ODAD1: variants seen among roughly 807,000 people sequenced by gnomAD.
ODAD1 encodes the protein outer dynein arm docking complex subunit 1.
A neutral mutation model predicts 67.2 loss-of-function variants in ODAD1; 49 were observed. That is an observed-to-expected ratio of 0.73 (90% CI 0.58 to 0.92). The LOEUF (loss-of-function observed/expected upper bound fraction) is 0.92. Ranked by LOEUF, ODAD1 falls within the 40% of genes least tolerant of loss-of-function variation. The pLI is 0.00. For synonymous variants in ODAD1, 345 were observed against 393.7 expected (o/e 0.88, Z 1.46); for missense variants, 897 against 953.7 (o/e 0.94, Z 0.78).
chr19:48,311,689 A>C, intron 6 of ODAD1, 23 bp from the exon 7 acceptor site: 1 of 1,410,202 alleles, frequency 7.1e-7, no homozygotes, highest in South Asian at 1.2e-5. Flanking sequence ...AGGTGGATGG[A>C]AGAGTGGGTC....
In ODAD1 at chr19:48,312,039, G is replaced by A. The variant is rs1484375564; in HGVS notation, c.438C>T (p.Val146=). Residue 146 remains valine (V), a synonymous_variant, in exon 6 of 16, where the codon GTC becomes GTT. Transcript: ENST00000674294. ...RSPGFILDQK[V]KIRRRIRILE... is the part of the protein sequence containing the mutation. ...GGATCCTGATCCTTCGCCTGATCTTGACCTTCTGATCCAGGATGAATCCCG... is the reference window on the plus strand; with the variant it reads ...GGATCCTGATCCTTCGCCTGATCTTAACCTTCTGATCCAGGATGAATCCCG... 1.2e-5 allele frequency: 19 copies of A among 1,550,910 alleles called. No homozygotes were observed. The highest frequency in any genetic ancestry group is 1.7e-5 in the Non-Finnish European group (19 of 1,146,258).
At chr19:48,319,412 C>G in intron 3 of ODAD1, 1 of 986,378 alleles carries the variant, frequency 1.0e-6, no homozygotes, top group South Asian at 4.7e-5. Context: ...TCCCAGACCC[C>G]AAGTGACCTG....
At chr19:48,302,277 G>A (rs964401984) in intron 12 of ODAD1, among the ~76,000 whole-genome samples, 1 of 152,000 alleles carries the variant, frequency 6.6e-6, no homozygotes, top group East Asian at 1.9e-4. Flanking sequence ...TGAAGGAATA[G>A]ATCCTGAATG....
chr19:48,302,722 C>G lies in ODAD1; in HGVS notation c.1212G>C (p.Val404=), dbSNP rs753418775. 1.2e-6 allele frequency: 2 copies of G among 1,612,316 alleles called. No homozygotes were observed. Among genetic ancestry groups the G allele is most frequent in the Non-Finnish European group, 1.7e-6 (2 of 1,179,974 alleles). The change falls in exon 12 of 16, where the codon GTG becomes GTC. Residue 404 remains valine (V), a synonymous_variant. Coordinates refer to ENST00000674294, the MANE Select transcript of ODAD1 (RefSeq NM_001364171.2). ...CCTTGAGCTTCTCCAGCTGTCCCCG[C>G]ACATCCTGGAAGCGGGCCTCAAGGC... is the stretch of plus-strand genomic sequence containing the variant. ...AERLEARFQD[V]RGQLEKLKAD...
chr19:48,302,115 A>AATGGATGGATGGATGGATGG (rs1968479670), intron 12 of ODAD1, among the ~76,000 whole-genome samples: 1 of 137,342 alleles, frequency 7.3e-6, no homozygotes, highest in African/African-American at 2.8e-5. Flanking sequence ...TGGATGGATG[A>AATGGATGGATGGATGGATGG]ATGGATGGAT....
Position 48,312,033 on chromosome 19 carries a change from G to A in ODAD1, c.444C>T (p.Ile148=). The change falls in exon 6 of 16, where the codon ATC becomes ATT. Residue 148 remains isoleucine (I), a synonymous_variant. Transcript: ENST00000674294. The part of the protein sequence containing the change: ...PGFILDQKVK[I]RRRIRILENQ... ...TTTCTAGGATCCTGATCCTTCGCCT[G>A]ATCTTGACCTTCTGATCCAGGATGA... 6.4e-7 allele frequency: 1 copy of A among 1,551,352 alleles called. No homozygotes were observed. Among genetic ancestry groups the A allele is most frequent in the Non-Finnish European group, 8.7e-7 (1 of 1,146,524 alleles).
intron 5 of ODAD1, among the ~76,000 whole-genome samples, chr19:48,315,309 C>T (rs1019491111): frequency 1.3e-5 from 2 of 152,158 alleles, no homozygotes; most frequent in African/African-American, 4.8e-5. Context: ...CTTTGGGAGG[C>T]TGAGGTGGGC....
Position 48,318,757 on chromosome 19 carries a change from C to T in ODAD1, c.126G>A (p.Arg42=). 1 of 1,551,440 alleles carries T rather than the reference C, an allele frequency of 6.4e-7. No homozygotes were observed. Among genetic ancestry groups the T allele is most frequent in the Non-Finnish European group, 8.7e-7 (1 of 1,146,856 alleles). ...QRQCKVMEGE[R]RAYSKEVHQR... Reference sequence around the variant, plus strand: ...GGTGGACTTCCTTGCTGTAGGCCCGCCTCTCCCCTTCCATCACTTTGCATT... The same window carrying T: ...GGTGGACTTCCTTGCTGTAGGCCCGTCTCTCCCCTTCCATCACTTTGCATT... The change falls in exon 4 of 16, where the codon AGG becomes AGA. Residue 42 remains arginine, a synonymous_variant. Coordinates refer to ENST00000674294, the MANE Select transcript of ODAD1 (RefSeq NM_001364171.2).
chr19:48,304,031 G>A lies in ODAD1; in HGVS notation c.775C>T (p.Gln259Ter), dbSNP rs1487650859. 6.2e-7 allele frequency: 1 copy of A among 1,614,218 alleles called. No homozygotes were observed. Among genetic ancestry groups the A allele is most frequent in the East Asian group, 2.2e-5 (1 of 44,880 alleles). Residue 259 changes from glutamine to a stop codon, truncating the protein, a stop_gained, in exon 9 of 16, where the codon CAG becomes TAG. Coordinates refer to ENST00000674294, the MANE Select transcript of ODAD1 (RefSeq NM_001364171.2). LOFTEE classifies it high-confidence loss of function. ...TTGAGCTTGAGGAAGTGGTGCAGCT[G>A]CTCCAGGTGCAAGATCTGCCGCTGC... ...VLQRQILHLE[Q>*]LHHFLKLKNN...
Position 48,297,578 on chromosome 19 carries a change from C to A in ODAD1, c.1581+12G>T. ...TGAGGCCTGGCCCCACCCCCGCAGG[C>A]CCCACTCTCACCAGCTTCTCCACTT... On this transcript the variant is annotated intron_variant, in intron 15 of 15. Transcript: ENST00000674294. 1.3e-6 allele frequency: 2 copies of A among 1,566,668 alleles called. No homozygotes were observed. The highest frequency in any genetic ancestry group is 1.7e-6 in the Non-Finnish European group (2 of 1,159,162).
intron 10 of ODAD1, 34 bp downstream of exon 10, chr19:48,303,616 C>T (rs369676527): frequency 3.6e-5 from 58 of 1,612,928 alleles, no homozygotes; most frequent in Admixed American, 5.0e-5. Context: ...GCCGGGGTCC[C>T]GGGCCTCCTC....
intron 3 of ODAD1, chr19:48,320,066 G>C (rs1024602412): frequency 9.4e-7 from 1 of 1,061,652 alleles, no homozygotes; most frequent in Non-Finnish European, 1.2e-6. Flanking sequence ...TTCCTACAGG[G>C]AGTTCTGGGC....
In ODAD1 at chr19:48,318,382, C is replaced by T. The variant is rs1250893696; in HGVS notation, c.360+5G>A. ...GGATCCGTAGAACCACCTCTCAAAC[C>T]CCACCTGCTTGTCCAGGGCCCTGGT... is the stretch of plus-strand genomic sequence containing the variant. On this transcript the variant is annotated splice_donor_5th_base_variant and intron_variant, in intron 5 of 15. Transcript: ENST00000674294. 1.9e-6 allele frequency: 3 copies of T among 1,550,050 alleles called. No homozygotes were observed. The highest frequency in any genetic ancestry group is 2.7e-5 in the African/African-American group (2 of 72,984).
chr19:48,296,987 A>G lies in ODAD1; in HGVS notation c.2113T>C (p.Ser705Pro). ...GCGTGCCCCTCGTGTTAGCCCCGGG[A>G]GTCTTTGCTGGTGGAGGAGCCCGGG... is the stretch of plus-strand genomic sequence containing the variant. Reference protein sequence around the residue: ...TGPGSSTSKDSRG With the variant: ...TGPGSSTSKDPRG Residue 705 changes from serine (S) to proline (P), a missense_variant, in exon 16 of 16, where the codon TCC becomes CCC. Physicochemically the swap from Ser to Pro is moderately conservative, Grantham distance 74. Transcript: ENST00000674294. 6.2e-7 allele frequency: 1 copy of G among 1,601,914 alleles called. No homozygotes were observed.
intron 5 of ODAD1, among the ~76,000 whole-genome samples, chr19:48,317,471 CAG>C (rs1232646385): frequency 6.6e-6 from 1 of 152,034 alleles, no homozygotes; most frequent in Non-Finnish European, 1.5e-5. Context: ...AACTAGGGCC[CAG>C]AGAGGGGAAA....
rs1317704617 is a variant in ODAD1, at chr19:48,312,007, T to A, written c.470A>T (p.Asn157Ile). Residue 157 changes from asparagine to isoleucine, a missense_variant, in exon 6 of 16, where the codon AAC (asparagine) becomes ATC (isoleucine). By Grantham distance (149) the Asn-to-Ile change is moderately radical. Transcript: ENST00000674294. ...KIRRRIRILENQLDRVTCHFD... is the reference protein window; with the variant it reads ...KIRRRIRILEIQLDRVTCHFD... ...TTTGACCCTCACCCTGTCCAACTGGTTTTCTAGGATCCTGATCCTTCGCCT... is the reference window on the plus strand; with the variant it reads ...TTTGACCCTCACCCTGTCCAACTGGATTTCTAGGATCCTGATCCTTCGCCT... 9.0e-6 allele frequency: 14 copies of A among 1,551,314 alleles called. No homozygotes were observed. Among genetic ancestry groups the A allele is most frequent in the Non-Finnish European group, 1.2e-5 (14 of 1,146,838 alleles).
In ODAD1 at chr19:48,304,052, G is replaced by A. The variant is rs759075558; in HGVS notation, c.754C>T (p.Arg252Trp). The A allele has an allele frequency of 2.3e-5, 37 of 1,614,076 alleles. No homozygotes were observed. The highest frequency in any genetic ancestry group is 1.2e-4 in the South Asian group (11 of 91,088). ...AGCTGCTCCAGGTGCAAGATCTGCC[G>A]CTGCAGGACCTGCGCCTCCATCTCG... ...QSEMEAQVLQ[R>W]QILHLEQLHH... Residue 252 changes from arginine (R) to tryptophan (W), a missense_variant, in exon 9 of 16, where the codon CGG becomes TGG. By Grantham distance (101) the Arg-to-Trp change is moderately radical. Transcript: ENST00000674294.
At chr19:48,308,889 G>A (rs967449636) in intron 7 of ODAD1, among the ~76,000 whole-genome samples, 1 of 152,098 alleles carries the variant, frequency 6.6e-6, no homozygotes, top group Admixed American at 6.5e-5. Context: ...TGCCCAACCC[G>A]CAGCTACAGA....
chr19:48,306,333 G>A lies in ODAD1; in HGVS notation c.598-10C>T. On this transcript the variant is annotated splice_polypyrimidine_tract_variant and intron_variant, in intron 7 of 15. Transcript: ENST00000674294. ...GCAGGTGGTGGATCTCCTGTGGGGGGAGGAGAAAAAAATCAGTGCCACTTC... is the reference window on the plus strand; with the variant it reads ...GCAGGTGGTGGATCTCCTGTGGGGGAAGGAGAAAAAAATCAGTGCCACTTC... 1 of 1,550,692 alleles carries A rather than the reference G, an allele frequency of 6.4e-7. No homozygotes were observed. The highest frequency in any genetic ancestry group is 8.7e-7 in the Non-Finnish European group (1 of 1,146,300).
Sources: allele counts gnomAD v4.1 joint callset (sites outside exome capture counted in the v4.1 genomes callset), GRCh38; gene constraint gnomAD v4.1.1; transcripts MANE v1.5; gene names NCBI Gene and HGNC (gene_info 2026-07-23, HGNC 2026-07-21).